Variants in GLB1L3 observed in about 807,000 individuals in gnomAD.
GLB1L3 encodes the protein beta-galactosidase-1-like protein 3.
GLB1L3 carries 89 observed loss-of-function variants against 89.5 expected under a neutral mutation model. That is an observed-to-expected ratio of 0.99 (90% CI 0.84 to 1.19). The LOEUF is 1.19. Ranked by LOEUF, GLB1L3 falls within the 50% of genes most tolerant of loss-of-function variation. The pLI, the probability that GLB1L3 is intolerant of heterozygous loss-of-function variation, is 0.00. For synonymous variants in GLB1L3, 314 were observed against 312.3 expected, an observed-to-expected ratio of 1.01 and a Z score of -0.06; for missense variants, 812 against 813.3, an observed-to-expected ratio of 1.00 and a Z score of 0.02.
At chr11:134,283,421 A>G (rs2136116550) in intron 5 of GLB1L3, among the ~76,000 whole-genome samples, 1 of 152,340 alleles carries the variant, frequency 6.6e-6, no homozygotes, top group East Asian at 1.9e-4. Flanking sequence ...AAGGTAGAAG[A>G]AAAAGCTCTT....
chr11:134,324,680 A>G, the GLB1L3 span, among the ~76,000 whole-genome samples: 2 of 152,140 alleles, frequency 1.3e-5, no homozygotes, highest in Non-Finnish European at 2.9e-5. Context: ...TTCTCATGAA[A>G]TTTGAGGTGG....
intron 1 of GLB1L3, 64 bp from the exon 2 acceptor site, chr11:134,277,262 C>T (rs751528995): frequency 2.6e-5 from 42 of 1,608,632 alleles, no homozygotes; most frequent in Admixed American, 3.3e-5. Context: ...CACAGCTTCC[C>T]GGCCCTTGCA....
intron 10 of GLB1L3, 137 bp from the exon 11 acceptor site, chr11:134,309,489 A>G: frequency 2.2e-6 from 1 of 456,336 alleles, no homozygotes; most frequent in Non-Finnish European, 3.7e-6. Flanking sequence ...TCCATTCCCA[A>G]GAATGTATAT....
chr11:134,313,998 C>G lies in GLB1L3; in HGVS notation c.1637C>G (p.Ser546Cys), dbSNP rs201379499. The change falls in exon 17 of 20, where the codon TCC (serine) becomes TGC (cysteine). Residue 546 changes from serine (S) to cysteine (C), a missense_variant. Ser to Cys is a moderately radical substitution (Grantham distance 112). Transcript: ENST00000431683. Reference protein sequence around the residue: ...NSSLEGFTIYSLEMKMSFFER... With the variant: ...NSSLEGFTIYCLEMKMSFFER... ...TCCCTGGAGGGCTTTACCATCTATT[C>G]CCTGGAGATGAAAATGAGCTTCTTT... The G allele has an allele frequency of 2.5e-4, 404 of 1,612,406 alleles. No homozygotes were observed. Among genetic ancestry groups the G allele is most frequent in the Middle Eastern group, 3.3e-4 (2 of 6,082 alleles).
At chr11:134,288,152 G>A (rs375635770) in intron 6 of GLB1L3, among the ~76,000 whole-genome samples, 1 of 152,238 alleles carries the variant, frequency 6.6e-6, no homozygotes, top group Non-Finnish European at 1.5e-5. Context: ...TGGATGGCAG[G>A]ATGGGCTGGA....
downstream of GLB1L3, among the ~76,000 whole-genome samples, chr11:134,323,905 G>A (rs116437787): frequency 6.4e-3 from 974 of 152,100 alleles, 14 homozygotes; most frequent in African/African-American, 0.022. Context: ...TTTTTATGTC[G>A]TGTACTCTGT....
intron 9 of GLB1L3, among the ~76,000 whole-genome samples, chr11:134,302,518 A>G (rs1941998287): frequency 6.6e-6 from 1 of 152,192 alleles, no homozygotes; most frequent in Non-Finnish European, 1.5e-5. Flanking sequence ...ATTACTGAAA[A>G]TAAGAAAAAT....
At chr11:134,310,484 TG>T in intron 11 of GLB1L3, 86 bp from the exon 12 acceptor site, 1 of 942,810 alleles carries the variant, frequency 1.1e-6, no homozygotes, top group Non-Finnish European at 1.7e-6. Context: ...TCACTCACGG[TG>T]GCCCTGGCCA....
At chr11:134,285,580 G>C (rs1395463748) in intron 6 of GLB1L3, among the ~76,000 whole-genome samples, 1 of 152,074 alleles carries the variant, frequency 6.6e-6, no homozygotes, top group African/African-American at 2.4e-5. Flanking sequence ...GAGCCCAGGA[G>C]TACAAGACCA....
intron 8 of GLB1L3, chr11:134,292,850 C>T: frequency 2.0e-6 from 1 of 501,756 alleles, no homozygotes; most frequent in Non-Finnish European, 3.6e-6. Flanking sequence ...AGCTTGGGGC[C>T]AGGAAGCCTG....
At chr11:134,277,979 G>T (rs1359834348) in intron 3 of GLB1L3, 67 bp downstream of exon 3, 3 of 1,534,988 alleles carry the variant, frequency 2.0e-6, no homozygotes, top group Non-Finnish European at 2.7e-6. Flanking sequence ...GGGAACCTGA[G>T]CCTCCGATTT....
chr11:134,308,568 CCACCATCACCAT>C (rs1565414545), intron 10 of GLB1L3, among the ~76,000 whole-genome samples: 1 of 138,388 alleles, frequency 7.2e-6, no homozygotes, highest in East Asian at 2.1e-4. Context: ...ACCACCACCA[CCACCATCACCAT>C]CACCATCATC....
intron 7 of GLB1L3, among the ~76,000 whole-genome samples, chr11:134,291,534 G>T (rs1301987666): frequency 6.6e-6 from 1 of 152,092 alleles, no homozygotes; most frequent in Non-Finnish European, 1.5e-5. Context: ...ACCATGCCTG[G>T]CCTCTCCCAT....
intron 13 of GLB1L3, chr11:134,311,403 G>C (rs117501874): frequency 1.8e-5 from 9 of 507,298 alleles, no homozygotes; most frequent in Admixed American, 1.7e-4. Flanking sequence ...CCGGGTTCCC[G>C]CTTAGATGAA....
intron 7 of GLB1L3, among the ~76,000 whole-genome samples, chr11:134,290,142 C>T (rs1411484181): frequency 1.3e-5 from 2 of 152,156 alleles, no homozygotes; most frequent in Non-Finnish European, 2.9e-5. Flanking sequence ...TCCCAGGGGA[C>T]GCGTGGCTGC....
intron 3 of GLB1L3, among the ~76,000 whole-genome samples, chr11:134,279,783 T>C (rs1443826554): frequency 6.6e-6 from 1 of 152,152 alleles, no homozygotes; most frequent in Non-Finnish European, 1.5e-5. Context: ...TTTTTCTTAA[T>C]CTTATCTATT....
At chr11:134,289,738 C>T (rs1941233637) in intron 7 of GLB1L3, among the ~76,000 whole-genome samples, 1 of 152,220 alleles carries the variant, frequency 6.6e-6, no homozygotes, top group South Asian at 2.1e-4. Context: ...TCTCTTCTGT[C>T]CCTCTTGCTT....
chr11:134,281,701 G>A (rs1008870079), intron 4 of GLB1L3, among the ~76,000 whole-genome samples: 5 of 105,240 alleles, frequency 4.8e-5, no homozygotes, highest in Non-Finnish European at 8.4e-5. Context: ...GGAGCCGCCC[G>A]ACTCTGCATG....
intron 9 of GLB1L3, among the ~76,000 whole-genome samples, chr11:134,300,331 AT>A (rs3065410): frequency 0.16 from 21,529 of 131,164 alleles, 1,666 homozygotes; most frequent in African/African-American, 0.24. Flanking sequence ...TATTGACCAC[AT>A]TTTTTTTTTT....
Sources: allele counts gnomAD v4.1 joint callset (sites outside exome capture counted in the v4.1 genomes callset), GRCh38; gene constraint gnomAD v4.1.1; transcripts MANE v1.5; gene names NCBI Gene and HGNC (gene_info 2026-07-23, HGNC 2026-07-21).